The following NDC1 variants were observed in gnomAD, a reference collection of about 807,000 sequenced individuals.
NDC1 encodes the protein nucleoporin NDC1.
Under a neutral mutation model 89.8 loss-of-function variants are expected in NDC1, and 24 were observed. That is an observed-to-expected ratio of 0.27 (90% CI 0.19 to 0.38). NDC1 has a LOEUF of 0.38. Among genes scored for constraint, NDC1 ranks in the 10% least tolerant of loss-of-function variants. The pLI, the probability that NDC1 is intolerant of heterozygous loss-of-function variation, is 1.00. For missense variants in NDC1, 728 were observed against 797.6 expected (o/e 0.91, Z 1.05); for synonymous variants, 296 against 284.8 (o/e 1.04, Z -0.39).
At chr1:53,818,923 TG>T in intron 6 of NDC1, 47 bp downstream of exon 6, 1 of 835,622 alleles carries the variant, frequency 1.2e-6, no homozygotes, top group Non-Finnish European at 1.9e-6. Context: ...TGACATTTTC[TG>T]GGCTATGAGA....
chr1:53,783,288 T>C (rs966724484), intron 16 of NDC1, among the ~76,000 whole-genome samples: 2 of 149,768 alleles, frequency 1.3e-5, no homozygotes, highest in East Asian at 2.0e-4. Context: ...GGATGTAGAG[T>C]GGAAAAAAAA....
chr1:53,801,838 C>A (rs1236169329), intron 10 of NDC1, among the ~76,000 whole-genome samples: 4 of 152,110 alleles, frequency 2.6e-5, no homozygotes, highest in Non-Finnish European at 5.9e-5. Flanking sequence ...CTCACTGCAA[C>A]CTCTGCCTCT....
At chr1:53,791,767 T>C (rs1647513035) in intron 14 of NDC1, among the ~76,000 whole-genome samples, 1 of 152,224 alleles carries the variant, frequency 6.6e-6, no homozygotes, top group Non-Finnish European at 1.5e-5. Flanking sequence ...TGCCACTTAC[T>C]GTCTCTGTGC....
At chr1:53,782,667 C>T (rs764152253) in intron 16 of NDC1, among the ~76,000 whole-genome samples, 9 of 152,212 alleles carry the variant, frequency 5.9e-5, no homozygotes, top group Non-Finnish European at 7.3e-5. Flanking sequence ...GGGGTACAAA[C>T]TTGAATTACA....
chr1:53,830,910 A>G (rs1052960509), intron 3 of NDC1, among the ~76,000 whole-genome samples: 1 of 149,898 alleles, frequency 6.7e-6, no homozygotes, highest in African/African-American at 2.5e-5. Flanking sequence ...ATCCTACCGC[A>G]TCTGTTTCTC....
chr1:53,807,538 G>T, intron 8 of NDC1, 118 bp downstream of exon 8: 1 of 747,084 alleles, frequency 1.3e-6, no homozygotes, highest in Non-Finnish European at 2.1e-6. Flanking sequence ...TCAGAAGAGA[G>T]ACCAAAAACC....
At chr1:53,821,070 C>T (rs574880803) in intron 5 of NDC1, among the ~76,000 whole-genome samples, 2 of 152,010 alleles carry the variant, frequency 1.3e-5, no homozygotes, top group African/African-American at 4.8e-5. Flanking sequence ...AGCTGAAGAA[C>T]AGCAAATAAT....
chr1:53,805,967 G>T (rs568946141), intron 9 of NDC1, among the ~76,000 whole-genome samples: 146 of 152,234 alleles, frequency 9.6e-4, no homozygotes, highest in African/African-American at 3.4e-3. Flanking sequence ...CCAGCTACAC[G>T]GGAGGCTGAG....
chr1:53,783,263 T>A (rs1453955876), intron 16 of NDC1, among the ~76,000 whole-genome samples: 1 of 151,958 alleles, frequency 6.6e-6, no homozygotes, highest in Non-Finnish European at 1.5e-5. Context: ...GAATTACTCA[T>A]TACAATCAAC....
chr1:53,811,732 A>C (rs1038044204), intron 6 of NDC1, among the ~76,000 whole-genome samples: 1 of 148,918 alleles, frequency 6.7e-6, no homozygotes, highest in Non-Finnish European at 1.5e-5. Context: ...ACCCACTGCC[A>C]GTCCCTCTCC....
At chr1:53,791,917 C>T (rs953389565) in intron 14 of NDC1, among the ~76,000 whole-genome samples, 3 of 151,516 alleles carry the variant, frequency 2.0e-5, no homozygotes, top group Admixed American at 6.6e-5. Context: ...ACACATAAGA[C>T]ACTCATAGTG....
At chr1:53,830,904 T>C (rs1300542038) in intron 3 of NDC1, among the ~76,000 whole-genome samples, 1 of 150,336 alleles carries the variant, frequency 6.7e-6, no homozygotes, top group Non-Finnish European at 1.5e-5. Context: ...TCTATGATCC[T>C]ACCGCATCTG....
At chr1:53,826,719 C>T (rs1648876391) in intron 4 of NDC1, among the ~76,000 whole-genome samples, 1 of 152,024 alleles carries the variant, frequency 6.6e-6, no homozygotes, top group South Asian at 2.1e-4. Flanking sequence ...TATACAGAGC[C>T]AACATCAAAA....
At chr1:53,811,475 G>T (rs1412039864) in intron 6 of NDC1, among the ~76,000 whole-genome samples, 1 of 152,090 alleles carries the variant, frequency 6.6e-6, no homozygotes, top group Non-Finnish European at 1.5e-5. Context: ...TGGGACCTGG[G>T]TGAGGCCTGT....
intron 8 of NDC1, among the ~76,000 whole-genome samples, chr1:53,807,169 C>T: frequency 7.0e-6 from 1 of 143,672 alleles, no homozygotes; most frequent in East Asian, 2.1e-4. Context: ...ATCACTTGAA[C>T]CTGGGAGGCA....
At position 53,789,123 on chromosome 1, in the gene NDC1, C is replaced by A; in HGVS notation, c.1699+10G>T. On this transcript the variant is annotated intron_variant, in intron 15 of 17. Coordinates refer to ENST00000371429, the MANE Select transcript of NDC1 (RefSeq NM_018087.5). ...TAAAATCATAGTTACAGTTCACAGT[C>A]ATTGCTTACCTTCTAATGCCCAAAT... The A allele has an allele frequency of 1.3e-6, 2 of 1,565,658 alleles. No individual in the cohort carries two copies. The highest frequency in any genetic ancestry group is 1.1e-5 in the South Asian group (1 of 88,792).
chr1:53,804,943 G>A (rs143932076), intron 9 of NDC1, among the ~76,000 whole-genome samples: 111 of 152,136 alleles, frequency 7.3e-4, no homozygotes, highest in African/African-American at 2.5e-3. Context: ...TATTTTGGGC[G>A]TCTGTATTTT....
intron 6 of NDC1, 66 bp from the exon 7 acceptor site, chr1:53,809,812 G>C (rs949688027): frequency 8.0e-7 from 1 of 1,244,406 alleles, no homozygotes; most frequent in African/African-American, 1.5e-5. Flanking sequence ...TCAAGCTTTA[G>C]AATATAAGGT....
intron 13 of NDC1, among the ~76,000 whole-genome samples, chr1:53,794,839 G>A (rs905438329): frequency 6.6e-6 from 1 of 152,148 alleles, no homozygotes; most frequent in South Asian, 2.1e-4. Context: ...TCATACCACT[G>A]CACTCCAGCC....
Sources: allele counts gnomAD v4.1 joint callset (sites outside exome capture counted in the v4.1 genomes callset), GRCh38; gene constraint gnomAD v4.1.1; transcripts MANE v1.5; gene names NCBI Gene and HGNC (gene_info 2026-07-23, HGNC 2026-07-21).